The following QPRT variants were observed in gnomAD, a reference collection of about 807,000 sequenced individuals.
QPRT encodes the protein nicotinate-nucleotide pyrophosphorylase [carboxylating].
QPRT carries 17 observed loss-of-function variants against 19.8 expected under a neutral mutation model. The ratio of observed to expected loss-of-function variants is 0.86; its 90% CI spans 0.59 to 1.29. The LOEUF is 1.29. QPRT is among the 50% of genes most tolerant of loss of function. QPRT has a pLI of 0.00. For synonymous variants in QPRT, 178 were observed against 191.0 expected (o/e 0.93, Z 0.56); for missense variants, 336 against 405.1 (o/e 0.83, Z 1.46).
intron 1 of QPRT, among the ~76,000 whole-genome samples, chr16:29,680,853 A>C (rs1267945506): frequency 6.6e-6 from 1 of 152,112 alleles, no homozygotes; most frequent in Non-Finnish European, 1.5e-5. Flanking sequence ...AGGCAGGAGA[A>C]TTGCTTGAAC....
intron 1 of QPRT, among the ~76,000 whole-genome samples, chr16:29,692,045 A>C (rs969963821): frequency 6.6e-6 from 1 of 152,186 alleles, no homozygotes; most frequent in African/African-American, 2.4e-5. Flanking sequence ...GTGCGCGCTA[A>C]ATCAAACACC....
At chr16:29,684,245 G>A (rs930856201) in intron 1 of QPRT, among the ~76,000 whole-genome samples, 3 of 152,208 alleles carry the variant, frequency 2.0e-5, no homozygotes, top group Middle Eastern at 3.4e-3. Flanking sequence ...AGTAGCTGGC[G>A]AGTAGCTGGG....
At position 29,694,933 on chromosome 16, in the gene QPRT, C is replaced by G; in HGVS notation, c.283C>G (p.His95Asp). 6.2e-7 allele frequency: 1 copy of G among 1,613,068 alleles called. No homozygotes were observed. Among genetic ancestry groups the G allele is most frequent in the Non-Finnish European group, 8.5e-7 (1 of 1,179,808 alleles). ...AGTGGCCGAGGTCCGGGGCCCTGCCCACTGCCTGCTGCTGGGGGAACGGGT... is the reference window on the plus strand; with the variant it reads ...AGTGGCCGAGGTCCGGGGCCCTGCCGACTGCCTGCTGCTGGGGGAACGGGT... ...ARVAEVRGPA[H>D]CLLLGERVAL... The change falls in exon 2 of 4, where the codon CAC becomes GAC. Residue 95 changes from histidine (H) to aspartate (D), a missense_variant. Physicochemically the swap from His to Asp is moderately conservative, Grantham distance 81 (BLOSUM62 -1). Coordinates refer to ENST00000395384, the MANE Select transcript of QPRT (RefSeq NM_014298.6).
At chr16:29,693,432 T>C (rs1363642973) in intron 1 of QPRT, among the ~76,000 whole-genome samples, 1 of 151,538 alleles carries the variant, frequency 6.6e-6, no homozygotes, top group African/African-American at 2.4e-5. Flanking sequence ...GCCACTATAC[T>C]TGGCTCATTT....
chr16:29,694,932 C>T lies in QPRT; in HGVS notation c.282C>T (p.Ala94=). 6.2e-7 allele frequency: 1 copy of T among 1,613,112 alleles called. No individual in the cohort carries two copies. Among genetic ancestry groups the T allele is most frequent in the Non-Finnish European group, 8.5e-7 (1 of 1,179,812 alleles). The change falls in exon 2 of 4, where the codon GCC becomes GCT. Residue 94 remains alanine (A), a synonymous_variant. Transcript: ENST00000395384. ...VARVAEVRGP[A]HCLLLGERVA... The stretch of plus-strand genomic sequence containing the variant: ...GAGTGGCCGAGGTCCGGGGCCCTGC[C>T]CACTGCCTGCTGCTGGGGGAACGGG...
At chr16:29,689,279 G>C (rs1567330100) in intron 1 of QPRT, among the ~76,000 whole-genome samples, 1 of 151,830 alleles carries the variant, frequency 6.6e-6, no homozygotes, top group Non-Finnish European at 1.5e-5. Context: ...GTTTTTAGTA[G>C]AGATGAGGTT....
At chr16:29,679,036 AG>A (rs1392258470), upstream of QPRT, 3 of 1,234,468 alleles carry the variant, frequency 2.4e-6, no homozygotes, top group Non-Finnish European at 3.4e-6. Flanking sequence ...AGGAATCTGC[AG>A]GCCTGGCAGA....
chr16:29,683,392 G>A (rs1050804844), intron 1 of QPRT, among the ~76,000 whole-genome samples: 1 of 150,844 alleles, frequency 6.6e-6, no homozygotes, highest in African/African-American at 2.4e-5. Flanking sequence ...GTCTCACCCT[G>A]TTGCCTAGGC....
intron 1 of QPRT, among the ~76,000 whole-genome samples, chr16:29,681,493 C>CTTTTTTTTTTTTTTT (rs10680462): frequency 1.0e-5 from 1 of 97,152 alleles, no homozygotes; most frequent in Non-Finnish European, 1.9e-5. Context: ...GATCCAGATT[C>CTTTTTTTTTTTTTTT]TTTTTTTTTT....
intron 1 of QPRT, among the ~76,000 whole-genome samples, chr16:29,685,729 G>T (rs1967140381): frequency 6.6e-6 from 1 of 152,096 alleles, no homozygotes; most frequent in Non-Finnish European, 1.5e-5. Context: ...GTCAGGCATG[G>T]TGGATCACAC....
intron 1 of QPRT, among the ~76,000 whole-genome samples, chr16:29,683,353 G>T (rs1042608498): frequency 2.0e-5 from 3 of 151,390 alleles, no homozygotes; most frequent in Admixed American, 1.3e-4. Flanking sequence ...TGAGAGCATT[G>T]GTTCTTTTTT....
intron 1 of QPRT, among the ~76,000 whole-genome samples, chr16:29,688,782 CT>C (rs201491801): frequency 2.1e-3 from 286 of 133,764 alleles, no homozygotes; most frequent in Admixed American, 3.2e-3. Flanking sequence ...TTTTTATTCT[CT>C]TTTTTTTTTT....
intron 1 of QPRT, among the ~76,000 whole-genome samples, chr16:29,692,204 G>C (rs1967363021): frequency 6.6e-6 from 1 of 152,176 alleles, no homozygotes; most frequent in South Asian, 2.1e-4. Flanking sequence ...GGCCCATCAC[G>C]GGCTATGCCT....
At chr16:29,690,599 G>A (rs902570015) in intron 1 of QPRT, among the ~76,000 whole-genome samples, 4 of 151,944 alleles carry the variant, frequency 2.6e-5, no homozygotes, top group Non-Finnish European at 5.9e-5. Flanking sequence ...AGGATGCTGC[G>A]GGAATGGGAT....
At chr16:29,694,538 TG>T in intron 1 of QPRT, 125 bp from the exon 2 acceptor site, 1 of 487,634 alleles carries the variant, frequency 2.1e-6, no homozygotes, top group Non-Finnish European at 2.7e-6. Flanking sequence ...GTCCCCCCCC[TG>T]GGACCCCTAG....
At chr16:29,696,889 A>G in intron 2 of QPRT, 107 bp from the exon 3 acceptor site, 1 of 1,343,994 alleles carries the variant, frequency 7.4e-7, no homozygotes, top group Non-Finnish European at 9.8e-7. Flanking sequence ...CCCGCGCCCC[A>G]GCTGCAGTGC....
chr16:29,679,728 A>T (rs1455416294), intron 1 of QPRT, among the ~76,000 whole-genome samples: 1 of 152,122 alleles, frequency 6.6e-6, no homozygotes, highest in Non-Finnish European at 1.5e-5. Flanking sequence ...GGAATGAGAA[A>T]AGACAAGTTA....
At chr16:29,686,437 C>T (rs1010501021) in intron 1 of QPRT, among the ~76,000 whole-genome samples, 8 of 152,222 alleles carry the variant, frequency 5.3e-5, no homozygotes, top group Non-Finnish European at 1.5e-5. Flanking sequence ...CGCTTCTTTT[C>T]TTCGCGAGCA....
rs545273536 is a variant in QPRT at position 29,695,340 on chromosome 16, T to C, written c.549+141T>C. 5.0e-5 allele frequency: 50 copies of C among 998,536 alleles called. 1 individual carries two copies. The South Asian group carries it at 7.7e-4, about 15-fold the overall frequency. 61.9% of individuals were successfully genotyped at this position (998,536 alleles called of 1,614,324 possible). The stretch of plus-strand genomic sequence containing the variant: ...AACACAAGACTCTTCCCACCTCAGC[T>C]CCTCCATCTGAGCTGGGCTCAGTTG... On this transcript the variant is annotated intron_variant, in intron 2 of 3. Transcript: ENST00000395384.
Sources: allele counts gnomAD v4.1 joint callset (sites outside exome capture counted in the v4.1 genomes callset), GRCh38; gene constraint gnomAD v4.1.1; transcripts MANE v1.5; gene names NCBI Gene and HGNC (gene_info 2026-07-23, HGNC 2026-07-21).